WDR26: variants seen among roughly 807,000 people sequenced by gnomAD.
WDR26 encodes WD repeat-containing protein 26.
WDR26 carries 5 observed loss-of-function variants against 84.1 expected under a neutral mutation model. The ratio of observed to expected loss-of-function variants is 0.06; its 90% CI spans 0.03 to 0.13. WDR26 has a LOEUF of 0.13. Ranked by LOEUF, WDR26 falls within the 10% of genes least tolerant of loss-of-function variation. WDR26 has a pLI of 1.00. For missense variants in WDR26, 642 were observed against 974.9 expected (o/e 0.66, Z 4.55); for synonymous variants, 415 against 389.6 (o/e 1.07, Z -0.77).
intron 7 of WDR26, among the ~76,000 whole-genome samples, chr1:224,408,786 C>T (rs574134089): frequency 3.9e-5 from 6 of 152,086 alleles, no homozygotes; most frequent in Non-Finnish European, 7.4e-5. Context: ...TTTCATAATA[C>T]TTTATGTATT....
intron 8 of WDR26, among the ~76,000 whole-genome samples, chr1:224,401,702 G>GAAAAAAAAAAA (rs5781368): frequency 3.1e-3 from 304 of 97,270 alleles, no homozygotes; most frequent in Middle Eastern, 0.014. Flanking sequence ...AAAAAAAAAA[G>GAAAAAAAAAAA]AAAAAAGAAA....
intron 12 of WDR26, chr1:224,397,820 C>G (rs564288827): frequency 7.4e-5 from 26 of 350,644 alleles, no homozygotes; most frequent in African/African-American, 4.8e-4. Context: ...CACACTGCTA[C>G]GTGGTCAGAA....
intron 7 of WDR26, among the ~76,000 whole-genome samples, chr1:224,410,098 T>C (rs567887837): frequency 7.9e-4 from 120 of 151,976 alleles, no homozygotes; most frequent in Non-Finnish European, 1.4e-3. Flanking sequence ...CTGGCCAACA[T>C]GGTGAAACCC....
intron 5 of WDR26, chr1:224,419,301 A>G (rs769835172): frequency 2.0e-6 from 1 of 494,036 alleles, no homozygotes; most frequent in Non-Finnish European, 3.7e-6. Context: ...ACATAATACA[A>G]ATGAAAGAAG....
At chr1:224,420,564 T>C (rs1357633340) in intron 4 of WDR26, among the ~76,000 whole-genome samples, 1 of 152,154 alleles carries the variant, frequency 6.6e-6, no homozygotes, top group Non-Finnish European at 1.5e-5. Flanking sequence ...TTAACATGAG[T>C]ATCATCACTC....
At chr1:224,398,769 C>A in intron 10 of WDR26, 120 bp downstream of exon 10, 3 of 1,335,196 alleles carry the variant, frequency 2.2e-6, no homozygotes, top group Non-Finnish European at 3.1e-6. Flanking sequence ...ATGTGACCTT[C>A]AATCCAAATT....
At chr1:224,409,769 A>AT (rs1370927438) in intron 7 of WDR26, among the ~76,000 whole-genome samples, 1 of 151,978 alleles carries the variant, frequency 6.6e-6, no homozygotes, top group Non-Finnish European at 1.5e-5. Context: ...AGGCTGAGGC[A>AT]TAAGAATCTC....
intron 7 of WDR26, among the ~76,000 whole-genome samples, chr1:224,406,470 G>A (rs1035806882): frequency 2.6e-5 from 4 of 152,304 alleles, no homozygotes; most frequent in Admixed American, 2.0e-4. Flanking sequence ...ATAAAATTAG[G>A]TTGGAGATTC....
At position 224,424,540 on chromosome 1, in the gene WDR26, C is replaced by A; in HGVS notation, c.1042G>T (p.Glu348Ter). Residue 348 changes from glutamate to a stop codon, truncating the protein, a stop_gained, in exon 4 of 14, where the codon GAG becomes TAG. Transcript: ENST00000414423. LOFTEE classifies it high-confidence loss of function. Reference sequence around the variant, plus strand: ...TACCCACTAAGAACATGAATGCGCTCTGTATTGTATTTCAGCGGCGTCAAT... The same window carrying A: ...TACCCACTAAGAACATGAATGCGCTATGTATTGTATTTCAGCGGCGTCAAT... 1 of 1,613,990 alleles carries A rather than the reference C, an allele frequency of 6.2e-7. No individual in the cohort carries two copies.
At chr1:224,400,913 A>C (rs773657223) in intron 9 of WDR26, 37 bp downstream of exon 9, 1 of 1,603,274 alleles carries the variant, frequency 6.2e-7, no homozygotes, top group Non-Finnish European at 8.5e-7. Flanking sequence ...TTGCTTTTAA[A>C]CCAACAGATA....
At chr1:224,419,459 A>T in intron 5 of WDR26, 59 bp downstream of exon 5, 1 of 1,259,274 alleles carries the variant, frequency 7.9e-7, no homozygotes, top group Non-Finnish European at 1.2e-6. Context: ...CTAATTGATC[A>T]CTGTATCCAT....
intron 6 of WDR26, 138 bp from the exon 7 acceptor site, chr1:224,411,703 T>TA: frequency 5.5e-6 from 5 of 907,414 alleles, no homozygotes; most frequent in Non-Finnish European, 6.2e-6. Flanking sequence ...CATTTGTAAA[T>TA]CTTTTTTTTT....
Position 224,419,700 on chromosome 1 carries a change from T to A in WDR26, c.1065-85A>T, listed in dbSNP as rs2102914215. 4.7e-6 allele frequency: 5 copies of A among 1,057,106 alleles called. No individual in the cohort carries two copies. In the South Asian group the frequency reaches 5.2e-5, roughly 11 times the overall value. The allele number at this position is 1,057,106 out of a possible 1,614,324, so 65.5% of individuals were successfully genotyped here. A position where few individuals can be genotyped will look rare whatever the true frequency, so the allele number is the denominator to read the frequency against. ...TTGAAAAGTACTGACCATCTGGCTA[T>A]CTGCTTCTTACTAATACATGTCAAG... On this transcript the variant is annotated intron_variant, in intron 4 of 13. Transcript: ENST00000414423.
intron 3 of WDR26, among the ~76,000 whole-genome samples, chr1:224,424,899 A>T (rs1004843240): frequency 9.9e-5 from 15 of 152,236 alleles, no homozygotes; most frequent in African/African-American, 3.6e-4. Context: ...AGACTAGATC[A>T]TTAGTGACTG....
intron 4 of WDR26, among the ~76,000 whole-genome samples, chr1:224,422,542 C>A (rs569447150): frequency 1.3e-5 from 2 of 152,046 alleles, no homozygotes; most frequent in South Asian, 4.1e-4. Flanking sequence ...GTGGTGAGAC[C>A]CCATCTCTAC....
chr1:224,420,268 A>G (rs1006625563), intron 4 of WDR26, among the ~76,000 whole-genome samples: 4 of 152,208 alleles, frequency 2.6e-5, no homozygotes, highest in Non-Finnish European at 5.9e-5. Flanking sequence ...GATAAATGCT[A>G]AAGTTCACAG....
At chr1:224,423,832 A>G (rs1674134222) in intron 4 of WDR26, among the ~76,000 whole-genome samples, 1 of 152,264 alleles carries the variant, frequency 6.6e-6, no homozygotes, top group Non-Finnish European at 1.5e-5. Flanking sequence ...CCACTGGTAT[A>G]CAGATAGTAT....
chr1:224,425,166 G>A (rs1252837565), intron 3 of WDR26, among the ~76,000 whole-genome samples: 1 of 152,202 alleles, frequency 6.6e-6, no homozygotes. Context: ...ACACACTCAG[G>A]AGAAGGAGAA....
chr1:224,397,701 AT>A (rs1673304087), intron 12 of WDR26: 1 of 159,612 alleles, frequency 6.3e-6, no homozygotes, highest in Non-Finnish European at 1.4e-5. Flanking sequence ...ATTAACCTTG[AT>A]TTTTCAGATA....
Sources: gnomAD v4.1 joint callset for allele counts (sites outside exome capture counted in the v4.1 genomes callset) on GRCh38, gnomAD v4.1.1 for gene constraint, MANE v1.5 for transcripts, NCBI Gene and HGNC (gene_info 2026-07-23, HGNC 2026-07-21) for gene names.